The following KCNJ6 variants were observed in gnomAD, a reference collection of about 807,000 sequenced individuals.
KCNJ6 encodes G protein-activated inward rectifier potassium channel 2.
Under a neutral mutation model 34.2 loss-of-function variants are expected in KCNJ6, and 9 were observed. The ratio of observed to expected loss-of-function variants is 0.26; its 90% CI spans 0.16 to 0.46. KCNJ6 has a LOEUF of 0.46. Among genes scored for constraint, KCNJ6 ranks in the 20% least tolerant of loss-of-function variants. KCNJ6 has a pLI of 1.00. For synonymous variants in KCNJ6, 196 were observed against 207.1 expected, an observed-to-expected ratio of 0.95 and a Z score of 0.46; for missense variants, 236 against 531.3, an observed-to-expected ratio of 0.44 and a Z score of 5.46.
At chr21:37,630,856 C>T (rs915325304) in intron 3 of KCNJ6, among the ~76,000 whole-genome samples, 2 of 151,864 alleles carry the variant, frequency 1.3e-5, no homozygotes, top group Admixed American at 1.3e-4. Context: ...TTGCCATTTG[C>T]ATTTCTATTT....
chr21:37,761,227 CTGTG>C (rs377654609), intron 2 of KCNJ6, among the ~76,000 whole-genome samples: 1,658 of 146,708 alleles, frequency 0.011, 19 homozygotes, highest in Non-Finnish European at 0.013. Flanking sequence ...GTGTGCATGT[CTGTG>C]TGTGTGGTGT....
chr21:37,655,236 A>G (rs1374117666), intron 3 of KCNJ6, among the ~76,000 whole-genome samples: 81 of 3,024 alleles, frequency 0.027, 1 homozygote, highest in African/African-American at 0.068. Context: ...AGAGAGAGAG[A>G]GAGAGAGAGA....
chr21:37,814,512 CA>C (rs1489658512), intron 2 of KCNJ6, among the ~76,000 whole-genome samples: 2 of 152,088 alleles, frequency 1.3e-5, no homozygotes, highest in Non-Finnish European at 2.9e-5. Context: ...TCACAATAGC[CA>C]AAATTTGGAA....
chr21:37,783,225 C>T (rs777140251), intron 2 of KCNJ6, among the ~76,000 whole-genome samples: 5 of 152,206 alleles, frequency 3.3e-5, no homozygotes, highest in Admixed American at 6.5e-5. Context: ...AAGCTAACCA[C>T]GGATGAGGGC....
At chr21:37,894,824 T>C (rs996462780) in intron 1 of KCNJ6, among the ~76,000 whole-genome samples, 5 of 152,262 alleles carry the variant, frequency 3.3e-5, no homozygotes, top group African/African-American at 1.2e-4. Context: ...ACAAGCATTT[T>C]CTTCAAATTT....
At chr21:37,671,459 C>A (rs548616930) in intron 3 of KCNJ6, among the ~76,000 whole-genome samples, 2 of 152,358 alleles carry the variant, frequency 1.3e-5, no homozygotes, top group East Asian at 3.9e-4. Flanking sequence ...TCATCTGTAC[C>A]CTTAATTATA....
intron 2 of KCNJ6, among the ~76,000 whole-genome samples, chr21:37,743,701 G>A (rs929049825): frequency 2.6e-5 from 4 of 151,812 alleles, no homozygotes; most frequent in African/African-American, 9.7e-5. Flanking sequence ...CTCCAGAATT[G>A]TGAGAAATAA....
intron 1 of KCNJ6, among the ~76,000 whole-genome samples, chr21:37,888,503 A>T (rs1453103752): frequency 6.6e-6 from 1 of 152,246 alleles, no homozygotes; most frequent in African/African-American, 2.4e-5. Context: ...TGGAAAACTT[A>T]GAGCATAAAG....
chr21:37,802,854 A>G (rs895779177), intron 2 of KCNJ6, among the ~76,000 whole-genome samples: 2 of 152,188 alleles, frequency 1.3e-5, no homozygotes, highest in Non-Finnish European at 1.5e-5. Context: ...TGGGGAGCAG[A>G]AAGGTCAGCA....
rs151167546 is a variant in KCNJ6, at chr21:37,712,695, TC to T, written c.946+1515del. Among the ~76,000 whole-genome samples the T allele has an allele frequency of 1.4e-3, 48 of 35,252 alleles. 1 individual carries two copies. The highest frequency in any genetic ancestry group is 0.018 in the Middle Eastern group (1 of 56). 23.1% of individuals were successfully genotyped at this position (35,252 alleles called of 152,430 possible). ...TCTTCCCTCCTTCCTCCCCTTCTCC[TC>T]CTCTCCTTCCTCCCTTTCTCTTCCC... On this transcript the variant is annotated intron_variant, in intron 3 of 3. Transcript: ENST00000609713.
intron 1 of KCNJ6, among the ~76,000 whole-genome samples, chr21:37,901,749 A>T (rs2055817858): frequency 6.6e-6 from 1 of 152,190 alleles, no homozygotes; most frequent in Non-Finnish European, 1.5e-5. Context: ...CCTGGGATGT[A>T]ACTGGGTCAT....
At chr21:37,827,172 G>A (rs1478173129) in intron 2 of KCNJ6, among the ~76,000 whole-genome samples, 1 of 152,162 alleles carries the variant, frequency 6.6e-6, no homozygotes, top group African/African-American at 2.4e-5. Flanking sequence ...TTGACTTCAG[G>A]AAATCAAAAG....
At position 37,866,313 on chromosome 21, in the gene KCNJ6, C is replaced by T. The variant is rs193028033; in HGVS notation, c.-27-25604G>A. Among the ~76,000 whole-genome samples the T allele has an allele frequency of 2.2e-4, 33 of 152,300 alleles. No homozygotes were observed. In the East Asian group the frequency reaches 5.8e-3, roughly 27 times the overall value. On this transcript the variant is annotated intron_variant, in intron 1 of 3. Transcript: ENST00000609713. ...GTAATAAGCCTCTTACTGTATATCA[C>T]TTCCTCATTCTGCTTCTCTATTGAA...
intron 1 of KCNJ6, among the ~76,000 whole-genome samples, chr21:37,860,185 T>G (rs1003121631): frequency 4.6e-5 from 7 of 152,202 alleles, no homozygotes; most frequent in African/African-American, 1.7e-4. Context: ...CTTTTTCTCC[T>G]GAATCCTATT....
At position 37,615,244 on chromosome 21, in the gene KCNJ6, C is replaced by CTTTTTTTTT. The variant is rs1156939747; in HGVS notation, c.*9906_*9914dup. 10 of 98,884 alleles carry CTTTTTTTTT rather than the reference C, an allele frequency of 1.0e-4. 1 individual carries two copies. The highest frequency in any genetic ancestry group is 3.6e-4 in the South Asian group (1 of 2,810). 6.1% of individuals were successfully genotyped at this position (98,884 alleles called of 1,614,324 possible). On this transcript the variant is annotated 3_prime_UTR_variant, in exon 4 of 4. Coordinates refer to ENST00000609713, the MANE Select transcript of KCNJ6 (RefSeq NM_002240.5). ...ACCCTCGACTGACATTCCCAGCATT[C>CTTTTTTTTT]TTTTTTTTTTTTTTTTTTTTTTTTT...
intron 3 of KCNJ6, among the ~76,000 whole-genome samples, chr21:37,632,696 CAG>C (rs137891630): frequency 0.16 from 24,621 of 151,958 alleles, 2,492 homozygotes; most frequent in East Asian, 0.36. Flanking sequence ...TTAGAAACAG[CAG>C]AGACTGAAAA....
chr21:37,807,215 A>G lies in KCNJ6; in HGVS notation c.25+33443T>C, dbSNP rs149069172. ...ATTGAGTGTAGTTAGCTAATGTTAT[A>G]TAATCTTTGCAAAAATTATTTTCAT... On this transcript the variant is annotated intron_variant, in intron 2 of 3. Coordinates refer to ENST00000609713, the MANE Select transcript of KCNJ6 (RefSeq NM_002240.5). Among the ~76,000 whole-genome samples, 856 of 152,346 alleles carry G rather than the reference A, an allele frequency of 5.6e-3. 7 individuals are homozygous for G. Among genetic ancestry groups the G allele is most frequent in the African/African-American group, 0.02 (825 of 41,584 alleles).
At chr21:37,772,441 T>C (rs2055122106) in intron 2 of KCNJ6, among the ~76,000 whole-genome samples, 1 of 152,184 alleles carries the variant, frequency 6.6e-6, no homozygotes, top group Admixed American at 6.5e-5. Context: ...TTACCTGTTT[T>C]TCATTCAGGC....
At position 37,614,931 on chromosome 21, in the gene KCNJ6, T is replaced by C. The variant is rs2835831; in HGVS notation, c.*10228A>G. ...AACATTCAGAGGAATCCTCATTCTT[T>C]TAGAAAAGGAAAAAATCTCTATGAA... On this transcript the variant is annotated 3_prime_UTR_variant, in exon 4 of 4. Transcript: ENST00000609713. 0.29 allele frequency: 44,558 copies of C among 152,076 alleles called. 6,822 individuals are homozygous for C. The highest frequency in any genetic ancestry group is 0.33 in the South Asian group (1,613 of 4,816). The allele number at this position is 152,076 out of a possible 1,614,324, so 9.4% of individuals were successfully genotyped here.
Sources: allele counts gnomAD v4.1 joint callset (sites outside exome capture counted in the v4.1 genomes callset), GRCh38; gene constraint gnomAD v4.1.1; transcripts MANE v1.5; gene names NCBI Gene and HGNC (gene_info 2026-07-23, HGNC 2026-07-21).